Variants in EYA1 observed in about 807,000 individuals in gnomAD.
The protein encoded by EYA1 is EYA transcriptional coactivator and phosphatase 1.
In EYA1, 16 loss-of-function variants were observed where a neutral mutation model predicts 82.0. That is an observed-to-expected ratio of 0.20 (90% CI 0.13 to 0.30). EYA1 has a LOEUF of 0.30. Among genes scored for constraint, EYA1 ranks in the 10% least tolerant of loss-of-function variants. EYA1 has a pLI of 1.00. For missense variants in EYA1, 633 were observed against 730.7 expected (o/e 0.87, Z 1.54); for synonymous variants, 261 against 264.4 (o/e 0.99, Z 0.12).
intron 3 of EYA1, among the ~76,000 whole-genome samples, chr8:71,353,924 T>C (rs1826570795): frequency 6.6e-6 from 1 of 152,094 alleles, no homozygotes; most frequent in African/African-American, 2.4e-5. Context: ...ATAAGCAAAA[T>C]ATTAATCTAT....
At chr8:71,528,734 G>A (rs1162115332) in intron 2 of EYA1, among the ~76,000 whole-genome samples, 1 of 152,178 alleles carries the variant, frequency 6.6e-6, no homozygotes, top group Non-Finnish European at 1.5e-5. Context: ...AATCCAAGAA[G>A]TTGAGGTCCT....
At chr8:71,428,916 A>G (rs1162115454) in intron 2 of EYA1, among the ~76,000 whole-genome samples, 1 of 151,958 alleles carries the variant, frequency 6.6e-6, no homozygotes, top group Non-Finnish European at 1.5e-5. Context: ...AGGGGTGTTT[A>G]TTTTCAACAA....
chr8:71,482,235 A>G (rs1427911676), intron 2 of EYA1, among the ~76,000 whole-genome samples: 1 of 152,238 alleles, frequency 6.6e-6, no homozygotes, highest in African/African-American at 2.4e-5. Flanking sequence ...TGAGCATATG[A>G]TCTGAACAGG....
intron 2 of EYA1, among the ~76,000 whole-genome samples, chr8:71,468,489 T>C (rs989528344): frequency 2.0e-5 from 3 of 152,172 alleles, no homozygotes; most frequent in Non-Finnish European, 4.4e-5. Context: ...GGTAACTGGT[T>C]AGAACTTGTC....
At chr8:71,236,792 G>A (rs902930685) in intron 12 of EYA1, among the ~76,000 whole-genome samples, 2 of 152,192 alleles carry the variant, frequency 1.3e-5, no homozygotes, top group African/African-American at 4.8e-5. Context: ...ACAAGTGTTT[G>A]ACAAATGCTT....
At chr8:71,202,038 A>G (rs1236683336) in intron 17 of EYA1, among the ~76,000 whole-genome samples, 1 of 152,204 alleles carries the variant, frequency 6.6e-6, no homozygotes, top group Non-Finnish European at 1.5e-5. Context: ...AACCATCTTC[A>G]TAAAAACATA....
chr8:71,204,368 CT>C lies in EYA1; in HGVS notation c.1699-4949del, dbSNP rs1807466525. Reference sequence around the variant, plus strand: ...ATACATATATGTAAGCAGAATTTTGCTGAATTATTAAAAATGTGTTAATTAC... The same window carrying C: ...ATACATATATGTAAGCAGAATTTTGCGAATTATTAAAAATGTGTTAATTAC... On this transcript the variant is annotated intron_variant, in intron 17 of 17. Coordinates refer to ENST00000340726, the MANE Select transcript of EYA1 (RefSeq NM_000503.6). 1.3e-5 allele frequency: 2 copies of C among 152,156 alleles called. 1 individual carries two copies. Among genetic ancestry groups the C allele is most frequent in the South Asian group, 4.1e-4 (2 of 4,826 alleles). 9.4% of individuals were successfully genotyped at this position (152,156 alleles called of 1,614,324 possible).
intron 2 of EYA1, among the ~76,000 whole-genome samples, chr8:71,430,608 T>A (rs1470718769): frequency 6.6e-6 from 1 of 152,184 alleles, no homozygotes; most frequent in Non-Finnish European, 1.5e-5. Context: ...TTGAGTCATG[T>A]CTAGAAATAA....
At chr8:71,267,303 C>T (rs1298016047) in intron 11 of EYA1, among the ~76,000 whole-genome samples, 1 of 152,124 alleles carries the variant, frequency 6.6e-6, no homozygotes, top group East Asian at 1.9e-4. Flanking sequence ...AACAGCAAAG[C>T]CTTTCTTGCC....
intron 12 of EYA1, among the ~76,000 whole-genome samples, chr8:71,223,306 CCT>C (rs1810166277): frequency 6.6e-6 from 1 of 152,168 alleles, no homozygotes; most frequent in African/African-American, 2.4e-5. Flanking sequence ...AGCCTGCAAA[CCT>C]CTGCTTTTCC....
intron 4 of EYA1, among the ~76,000 whole-genome samples, chr8:71,323,652 T>C (rs1822830485): frequency 1.3e-5 from 2 of 152,198 alleles, no homozygotes; most frequent in South Asian, 4.1e-4. Flanking sequence ...ACTGAAGAGA[T>C]GGCAAGCCGG....
At chr8:71,221,968 G>A (rs1008067789) in intron 12 of EYA1, among the ~76,000 whole-genome samples, 3 of 152,208 alleles carry the variant, frequency 2.0e-5, no homozygotes, top group African/African-American at 7.2e-5. Context: ...CCTAAGGGAA[G>A]ATGCATGGGA....
At chr8:71,382,748 C>A (rs542507029) in intron 2 of EYA1, among the ~76,000 whole-genome samples, 1 of 152,186 alleles carries the variant, frequency 6.6e-6, no homozygotes, top group African/African-American at 2.4e-5. Flanking sequence ...TGGCAGTCTA[C>A]ACTTTCTAAA....
At chr8:71,361,190 G>A (rs1250725552) in intron 1 of EYA1, among the ~76,000 whole-genome samples, 2 of 152,090 alleles carry the variant, frequency 1.3e-5, no homozygotes, top group Non-Finnish European at 2.9e-5. Context: ...CCTTTCAAAT[G>A]TTAAATGCTT....
At chr8:71,240,986 T>C (rs566189417) in intron 12 of EYA1, among the ~76,000 whole-genome samples, 3 of 152,334 alleles carry the variant, frequency 2.0e-5, no homozygotes, top group Admixed American at 1.3e-4. Flanking sequence ...ATGACTTCCA[T>C]ATAGGCATCA....
intron 2 of EYA1, among the ~76,000 whole-genome samples, chr8:71,479,345 T>C (rs57997896): frequency 0.14 from 21,807 of 152,130 alleles, 2,767 homozygotes; most frequent in East Asian, 0.47. Flanking sequence ...GAACACCTTA[T>C]TCAAATCACA....
intron 3 of EYA1, among the ~76,000 whole-genome samples, chr8:71,346,748 A>T (rs1586482245): frequency 6.6e-6 from 1 of 152,242 alleles, no homozygotes; most frequent in African/African-American, 2.4e-5. Context: ...TTGTGGATGG[A>T]CAGCCCATAG....
At chr8:71,460,673 T>TGCA (rs1808297423) in intron 2 of EYA1, among the ~76,000 whole-genome samples, 1 of 152,204 alleles carries the variant, frequency 6.6e-6, no homozygotes, top group South Asian at 2.1e-4. Flanking sequence ...TTTCAAAAAG[T>TGCA]GCACATATTG....
chr8:71,257,005 AAAAAT>A (rs1200136648), intron 11 of EYA1, among the ~76,000 whole-genome samples: 18 of 152,300 alleles, frequency 1.2e-4, no homozygotes, highest in African/African-American at 4.3e-4. Flanking sequence ...ATCTCAAAAA[AAAAAT>A]AAAATAAAAA....
Sources: allele counts gnomAD v4.1 joint callset (sites outside exome capture counted in the v4.1 genomes callset), GRCh38; gene constraint gnomAD v4.1.1; transcripts MANE v1.5; gene names NCBI Gene and HGNC (gene_info 2026-07-23, HGNC 2026-07-21).